FBXL17: variants seen among roughly 807,000 people sequenced by gnomAD.
FBXL17 encodes F-box/LRR-repeat protein 17.
FBXL17 carries 22 observed loss-of-function variants against 66.2 expected under a neutral mutation model. The ratio of observed to expected loss-of-function variants is 0.33; its 90% CI spans 0.24 to 0.47. The LOEUF is 0.47. FBXL17 is among the 20% of genes least tolerant of loss of function. FBXL17 has a pLI of 1.00. For synonymous variants in FBXL17, 474 were observed against 400.5 expected (o/e 1.18, Z -2.19); for missense variants, 878 against 948.2 (o/e 0.93, Z 0.97).
At chr5:108,305,623 CAGA>C (rs1310268174) in intron 4 of FBXL17, among the ~76,000 whole-genome samples, 1 of 151,996 alleles carries the variant, frequency 6.6e-6, no homozygotes, top group Non-Finnish European at 1.5e-5. Flanking sequence ...AATGGGAACA[CAGA>C]AGAAGAATAT....
intron 4 of FBXL17, among the ~76,000 whole-genome samples, chr5:108,296,920 T>A (rs1758370592): frequency 6.6e-6 from 1 of 151,480 alleles, no homozygotes; most frequent in South Asian, 2.1e-4. Context: ...TATACCTAAT[T>A]CCATTGTTGC....
intron 4 of FBXL17, among the ~76,000 whole-genome samples, chr5:108,338,035 T>C (rs1474163502): frequency 6.6e-6 from 1 of 152,016 alleles, no homozygotes; most frequent in Admixed American, 6.6e-5. Flanking sequence ...TTTATCAGTA[T>C]ATTAATAGAA....
intron 7 of FBXL17, among the ~76,000 whole-genome samples, chr5:107,958,778 A>G (rs2116822): frequency 0.52 from 79,565 of 152,022 alleles, 21,356 homozygotes; most frequent in East Asian, 0.62. Context: ...TATTAGGCAG[A>G]CCTGTGCTTT....
intron 6 of FBXL17, among the ~76,000 whole-genome samples, chr5:108,059,765 C>T (rs1747848815): frequency 6.6e-6 from 1 of 152,208 alleles, no homozygotes; most frequent in African/African-American, 2.4e-5. Context: ...TGTTTCCTTG[C>T]TAATACACGT....
At chr5:108,276,321 T>C (rs115985566) in intron 4 of FBXL17, among the ~76,000 whole-genome samples, 5 of 152,332 alleles carry the variant, frequency 3.3e-5, no homozygotes, top group African/African-American at 4.8e-5. Flanking sequence ...ACATTCATTA[T>C]AGACTGGTAA....
chr5:108,099,254 A>G (rs1345386745), intron 6 of FBXL17, among the ~76,000 whole-genome samples: 1 of 152,226 alleles, frequency 6.6e-6, no homozygotes, highest in Non-Finnish European at 1.5e-5. Flanking sequence ...AATAGCTGAT[A>G]ATGTGATACT....
At position 108,382,042 on chromosome 5, in the gene FBXL17, T is replaced by A; in HGVS notation, c.-351A>T. The A allele has an allele frequency of 1.1e-6, 1 of 941,938 alleles. No individual in the cohort carries two copies. Among genetic ancestry groups the A allele is most frequent in the Non-Finnish European group, 1.3e-6 (1 of 767,080 alleles). 58.3% of individuals were successfully genotyped at this position (941,938 alleles called of 1,614,324 possible). ...GCGGAGCGGCCGGGGAAAGGCCGGG[T>A]CCCGCTCGGACCATTTTAACTGCGG... On this transcript the variant is annotated 5_prime_UTR_variant, in exon 1 of 9. Transcript: ENST00000542267.
At chr5:107,990,532 T>C (rs1753199399) in intron 7 of FBXL17, among the ~76,000 whole-genome samples, 1 of 152,182 alleles carries the variant, frequency 6.6e-6, no homozygotes, top group African/African-American at 2.4e-5. Flanking sequence ...GTAATTTATC[T>C]ATACCTTAGT....
chr5:108,171,883 GAGTA>G (rs1480129710), intron 6 of FBXL17, among the ~76,000 whole-genome samples: 1 of 152,156 alleles, frequency 6.6e-6, no homozygotes, highest in African/African-American at 2.4e-5. Flanking sequence ...TTGCAATGGT[GAGTA>G]AGTCTCACAA....
chr5:108,067,450 A>G (rs1347905286), intron 6 of FBXL17, among the ~76,000 whole-genome samples: 3 of 152,184 alleles, frequency 2.0e-5, no homozygotes, highest in Non-Finnish European at 4.4e-5. Context: ...ACTACTATAA[A>G]TAACTAGAAA....
At chr5:107,910,394 G>GA (rs1749909671) in intron 7 of FBXL17, among the ~76,000 whole-genome samples, 1 of 152,050 alleles carries the variant, frequency 6.6e-6, no homozygotes, top group Non-Finnish European at 1.5e-5. Context: ...GACAAAATGA[G>GA]AAACAGCATG....
intron 7 of FBXL17, among the ~76,000 whole-genome samples, chr5:107,909,044 T>C (rs1749859661): frequency 6.6e-6 from 1 of 152,112 alleles, no homozygotes. Context: ...ATAGTCTCAT[T>C]TGTACACTTA....
intron 6 of FBXL17, among the ~76,000 whole-genome samples, chr5:108,173,013 C>A (rs1478007384): frequency 6.6e-6 from 1 of 151,754 alleles, no homozygotes; most frequent in Non-Finnish European, 1.5e-5. Flanking sequence ...GTTGGTCAGG[C>A]TGCTCTCGAA....
chr5:108,369,521 G>A (rs760283744), intron 1 of FBXL17, among the ~76,000 whole-genome samples: 7 of 151,994 alleles, frequency 4.6e-5, no homozygotes, highest in Non-Finnish European at 7.4e-5. Flanking sequence ...ACTGGATAAC[G>A]AATATAGGGG....
In FBXL17 at chr5:107,903,475, A is replaced by C. The variant is rs549082440; in HGVS notation, c.1823-22296T>G. 1.2e-4 allele frequency among the ~76,000 whole-genome samples: 18 copies of C among 152,310 alleles called. No homozygotes were observed. In the South Asian group the frequency reaches 3.5e-3, roughly 30 times the overall value. ...AAACATCAGCAATTTCAAGTGGTTC[A>C]AGTTAATAAGTAATATTAGCATAGA... On this transcript the variant is annotated intron_variant, in intron 7 of 8. Transcript: ENST00000542267.
intron 4 of FBXL17, chr5:108,299,695 T>A (rs1758500728): frequency 4.1e-6 from 4 of 984,470 alleles, no homozygotes; most frequent in Non-Finnish European, 4.8e-6. Context: ...CATGATTGGC[T>A]GCTTGTCCAG....
intron 6 of FBXL17, among the ~76,000 whole-genome samples, chr5:108,134,768 C>T (rs1751070743): frequency 6.6e-6 from 1 of 152,154 alleles, no homozygotes; most frequent in Non-Finnish European, 1.5e-5. Context: ...TTCCAACATC[C>T]TCCAGGCTCC....
chr5:108,328,926 A>AT (rs747779307), intron 4 of FBXL17, among the ~76,000 whole-genome samples: 13 of 152,122 alleles, frequency 8.5e-5, no homozygotes, highest in Non-Finnish European at 1.9e-4. Flanking sequence ...TGTTATTCTT[A>AT]TGCCATAAAT....
chr5:108,313,132 CATACTT>C (rs1467882204), intron 4 of FBXL17, among the ~76,000 whole-genome samples: 3 of 152,094 alleles, frequency 2.0e-5, no homozygotes, highest in Non-Finnish European at 4.4e-5. Context: ...GAAGAAATAA[CATACTT>C]ATAAGAAGAG....
Sources: gnomAD v4.1 joint callset for allele counts (sites outside exome capture counted in the v4.1 genomes callset) on GRCh38, gnomAD v4.1.1 for gene constraint, MANE v1.5 for transcripts, NCBI Gene and HGNC (gene_info 2026-07-23, HGNC 2026-07-21) for gene names.